The following EXOC4 variants were observed in gnomAD, a reference collection of about 807,000 sequenced individuals.
EXOC4 encodes the protein SEC8-like 1.
Under a neutral mutation model 107.2 loss-of-function variants are expected in EXOC4, and 71 were observed. The ratio of observed to expected loss-of-function variants is 0.66; its 90% CI spans 0.55 to 0.81. The LOEUF (loss-of-function observed/expected upper bound fraction) is 0.81. EXOC4 is among the 30% of genes least tolerant of loss of function. EXOC4 has a pLI of 0.00. For missense variants in EXOC4, 1,108 were observed against 1,189.6 expected, an observed-to-expected ratio of 0.93 and a Z score of 1.01; for synonymous variants, 456 against 441.2, an observed-to-expected ratio of 1.03 and a Z score of -0.42.
chr7:133,640,860 C>T (rs1192210351), intron 10 of EXOC4, among the ~76,000 whole-genome samples: 1 of 4,014 alleles, frequency 2.5e-4, no homozygotes, highest in African/African-American at 3.3e-4. Flanking sequence ...AATCGACATT[C>T]TCTCTCTCTC....
At chr7:134,002,873 G>T (rs1794561694) in intron 15 of EXOC4, among the ~76,000 whole-genome samples, 1 of 145,656 alleles carries the variant, frequency 6.9e-6, no homozygotes, top group Admixed American at 7.1e-5. Context: ...CTGCCAGTAA[G>T]TAAGCAAAAT....
intron 9 of EXOC4, among the ~76,000 whole-genome samples, chr7:133,541,140 A>G (rs952856133): frequency 2.0e-5 from 3 of 152,184 alleles, no homozygotes; most frequent in Non-Finnish European, 4.4e-5. Flanking sequence ...TATAGTCATT[A>G]TTTACCTTTT....
chr7:133,986,997 A>G (rs1450579268), intron 14 of EXOC4, among the ~76,000 whole-genome samples: 2 of 152,192 alleles, frequency 1.3e-5, no homozygotes, highest in Non-Finnish European at 2.9e-5. Flanking sequence ...CCTTAATATC[A>G]CAGACCTAAT....
intron 14 of EXOC4, among the ~76,000 whole-genome samples, chr7:133,961,581 G>A (rs1159071470): frequency 3.3e-5 from 5 of 152,076 alleles, no homozygotes; most frequent in Admixed American, 1.3e-4. Flanking sequence ...ATGAGCCCCC[G>A]TGCCCAGCCT....
intron 9 of EXOC4, among the ~76,000 whole-genome samples, chr7:133,508,337 T>C (rs533590377): frequency 6.6e-6 from 1 of 152,242 alleles, no homozygotes; most frequent in South Asian, 2.1e-4. Context: ...AGGTCTGAGA[T>C]GGGGTCTGAA....
At chr7:133,273,739 G>C (rs1793926890) in intron 1 of EXOC4, among the ~76,000 whole-genome samples, 1 of 152,152 alleles carries the variant, frequency 6.6e-6, no homozygotes, top group South Asian at 2.1e-4. Context: ...CTATTGTACA[G>C]TATTTTGCTT....
intron 7 of EXOC4, among the ~76,000 whole-genome samples, chr7:133,468,488 T>C (rs1164467771): frequency 2.6e-5 from 4 of 152,240 alleles, no homozygotes; most frequent in Non-Finnish European, 5.9e-5. Context: ...TAATTTAAAA[T>C]GGACATTCTA....
At chr7:133,404,292 A>G (rs909359294) in intron 7 of EXOC4, among the ~76,000 whole-genome samples, 11 of 151,486 alleles carry the variant, frequency 7.3e-5, no homozygotes, top group African/African-American at 2.7e-4. Flanking sequence ...TTTAGTAGAG[A>G]CGGGGTTTCA....
Position 133,801,027 on chromosome 7 carries a change from G to A in EXOC4, c.1515-16298G>A, listed in dbSNP as rs151059216. 2.0e-3 allele frequency among the ~76,000 whole-genome samples: 299 copies of A among 152,204 alleles called. 1 individual carries two copies. The highest frequency in any genetic ancestry group is 6.8e-3 in the African/African-American group (281 of 41,522). On this transcript the variant is annotated intron_variant, in intron 10 of 17. Coordinates refer to ENST00000253861, the MANE Select transcript of EXOC4 (RefSeq NM_021807.4). ...GTCTGCTCAGAACCATCTTTGGTCC[G>A]ACCTTATGAATAGCACAGATACGTC...
intron 4 of EXOC4, among the ~76,000 whole-genome samples, chr7:133,310,021 G>A (rs542504131): frequency 1.4e-4 from 22 of 152,258 alleles, no homozygotes; most frequent in Non-Finnish European, 8.8e-5. Context: ...TTTTTACTCA[G>A]TTAATAGTGA....
intron 10 of EXOC4, among the ~76,000 whole-genome samples, chr7:133,659,686 C>T (rs557574460): frequency 3.3e-5 from 5 of 152,126 alleles, no homozygotes; most frequent in Non-Finnish European, 7.4e-5. Flanking sequence ...TTTGAGCAGG[C>T]TCTTAGGTGA....
At chr7:133,373,896 T>A (rs1796430619) in intron 6 of EXOC4, among the ~76,000 whole-genome samples, 1 of 152,216 alleles carries the variant, frequency 6.6e-6, no homozygotes, top group African/African-American at 2.4e-5. Flanking sequence ...GTAAAGTATC[T>A]ATATATAAAG....
chr7:134,030,925 A>G (rs912160119), intron 17 of EXOC4, among the ~76,000 whole-genome samples: 7 of 152,094 alleles, frequency 4.6e-5, no homozygotes, highest in Non-Finnish European at 7.4e-5. Context: ...TAACTTTTAT[A>G]ACTTTTGCCA....
chr7:133,484,101 AC>A (rs1799220202), intron 9 of EXOC4: 2 of 1,613,352 alleles, frequency 1.2e-6, no homozygotes, highest in Admixed American at 3.3e-5. Flanking sequence ...CTCAAATTTT[AC>A]AAAAGTTAAG....
chr7:133,807,491 A>C (rs924974127), intron 10 of EXOC4, among the ~76,000 whole-genome samples: 18 of 152,160 alleles, frequency 1.2e-4, no homozygotes, highest in Non-Finnish European at 1.9e-4. Flanking sequence ...CCTAAAACAG[A>C]GTATATTTAA....
intron 6 of EXOC4, among the ~76,000 whole-genome samples, chr7:133,357,142 TA>T (rs545689229): frequency 2.4e-4 from 36 of 152,330 alleles, no homozygotes; most frequent in Middle Eastern, 3.4e-3. Context: ...TGTCGATATT[TA>T]AACATTTAAA....
chr7:133,514,850 T>G (rs1020024627), intron 9 of EXOC4, among the ~76,000 whole-genome samples: 2 of 152,148 alleles, frequency 1.3e-5, no homozygotes, highest in Non-Finnish European at 2.9e-5. Context: ...TTATTTTTGA[T>G]CCAGTACTTT....
chr7:133,877,597 A>C (rs924567495), intron 11 of EXOC4, among the ~76,000 whole-genome samples: 3 of 152,134 alleles, frequency 2.0e-5, no homozygotes, highest in Non-Finnish European at 2.9e-5. Flanking sequence ...AGCTAGTGGG[A>C]ACATGGACCA....
At chr7:133,380,042 G>C (rs1272253457) in intron 7 of EXOC4, among the ~76,000 whole-genome samples, 1 of 151,202 alleles carries the variant, frequency 6.6e-6, no homozygotes, top group African/African-American at 2.4e-5. Context: ...TGAACAATGA[G>C]AACACTTGTT....
Sources: allele counts gnomAD v4.1 joint callset (sites outside exome capture counted in the v4.1 genomes callset), GRCh38; gene constraint gnomAD v4.1.1; transcripts MANE v1.5; gene names NCBI Gene and HGNC (gene_info 2026-07-23, HGNC 2026-07-21).